The following TRIM24 variants were observed in gnomAD, a reference collection of about 807,000 sequenced individuals.
TRIM24 encodes the protein transcription intermediary factor 1-alpha.
In TRIM24, 29 loss-of-function variants were observed where a neutral mutation model predicts 123.9. The ratio of observed to expected loss-of-function variants is 0.23; its 90% CI spans 0.17 to 0.32. The LOEUF is 0.32. TRIM24 is among the 10% of genes least tolerant of loss of function. The pLI, the probability that TRIM24 is intolerant of heterozygous loss-of-function variation, is 1.00. For missense variants in TRIM24, 932 were observed against 1,295.3 expected (o/e 0.72, Z 4.31); for synonymous variants, 456 against 461.1 (o/e 0.99, Z 0.14).
intron 1 of TRIM24, among the ~76,000 whole-genome samples, chr7:138,496,733 T>C (rs140637757): frequency 4.7e-4 from 72 of 152,238 alleles, no homozygotes; most frequent in African/African-American, 1.7e-3. Flanking sequence ...ACTCCAGGCC[T>C]GTAGTGATCC....
intron 2 of TRIM24, among the ~76,000 whole-genome samples, chr7:138,512,177 AC>A (rs1239348412): frequency 6.6e-6 from 1 of 152,006 alleles, no homozygotes; most frequent in Non-Finnish European, 1.5e-5. Flanking sequence ...AGCTGTACCT[AC>A]CCCTGTGGCT....
At chr7:138,505,007 C>T (rs1223685499) in intron 2 of TRIM24, among the ~76,000 whole-genome samples, 1 of 152,002 alleles carries the variant, frequency 6.6e-6, no homozygotes, top group African/African-American at 2.4e-5. Flanking sequence ...GTAATCCACC[C>T]GCCTCGGCCT....
intron 1 of TRIM24, among the ~76,000 whole-genome samples, chr7:138,483,057 AC>A (rs1795564183): frequency 6.6e-6 from 1 of 151,994 alleles, no homozygotes; most frequent in Admixed American, 6.6e-5. Flanking sequence ...AGCTGGGACT[AC>A]AGGCATGTAC....
chr7:138,500,385 C>T (rs1045750296), intron 1 of TRIM24, among the ~76,000 whole-genome samples: 1 of 151,626 alleles, frequency 6.6e-6, no homozygotes, highest in African/African-American at 2.4e-5. Context: ...CATAGTGAAA[C>T]CCTGTCTCTA....
At chr7:138,526,452 G>GTT (rs375560396) in intron 5 of TRIM24, among the ~76,000 whole-genome samples, 7 of 149,448 alleles carry the variant, frequency 4.7e-5, no homozygotes, top group Admixed American at 4.6e-4. Flanking sequence ...TTTGTTTTTT[G>GTT]TTTTTTTTTG....
intron 6 of TRIM24, among the ~76,000 whole-genome samples, chr7:138,534,085 G>A (rs189036292): frequency 1.6e-4 from 24 of 151,760 alleles, no homozygotes; most frequent in African/African-American, 3.6e-4. Context: ...TTTTTATTGC[G>A]TCTGTTTGAT....
At chr7:138,576,157 A>T (rs1797753692) in intron 12 of TRIM24, among the ~76,000 whole-genome samples, 2 of 152,198 alleles carry the variant, frequency 1.3e-5, no homozygotes, top group South Asian at 4.1e-4. Context: ...CACAACAAGG[A>T]ATTATCTGGC....
chr7:138,535,898 G>A (rs1021866378), intron 6 of TRIM24, among the ~76,000 whole-genome samples: 1 of 151,958 alleles, frequency 6.6e-6, no homozygotes, highest in African/African-American at 2.4e-5. Flanking sequence ...CATATTTCTT[G>A]GTGGCTTTGT....
rs550118974 is a variant in TRIM24, at chr7:138,533,579, T to C, written c.996+4349T>C. 4.7e-4 allele frequency among the ~76,000 whole-genome samples: 72 copies of C among 152,324 alleles called. 1 individual carries two copies. In the South Asian group the frequency reaches 0.013, roughly 27 times the overall value. Reference sequence around the variant, plus strand: ...AGGGATGAAGCCCACTTGATCATGGTGAATAAGCTTTTTGATGTGCTGCTG... The same window carrying C: ...AGGGATGAAGCCCACTTGATCATGGCGAATAAGCTTTTTGATGTGCTGCTG... On this transcript the variant is annotated intron_variant, in intron 6 of 18. Transcript: ENST00000343526.
chr7:138,583,961 T>C lies in TRIM24; in HGVS notation c.2905T>C (p.Phe969Leu), dbSNP rs1797959792. Residue 969 changes from phenylalanine (F) to leucine (L), a missense_variant, in exon 18 of 19, where the codon TTT becomes CTT. This residue lies in a region of TRIM24 where 104 missense variants were observed against 121.5 expected (regional missense o/e 0.86). Coordinates refer to ENST00000343526, the MANE Select transcript of TRIM24 (RefSeq NM_015905.3). ...AAAACCTGAAGATTTTGTAGCTGAT[T>C]TTAGATTGATCTTTCAAAACTGTGC... The part of the protein sequence containing the change: ...YSKPEDFVAD[F>L]RLIFQNCAEF... 1 of 1,609,634 alleles carries C rather than the reference T, an allele frequency of 6.2e-7. No homozygotes were observed. Among genetic ancestry groups the C allele is most frequent in the Non-Finnish European group, 8.5e-7 (1 of 1,178,912 alleles).
At chr7:138,524,604 A>G (rs1470766833) in intron 4 of TRIM24, among the ~76,000 whole-genome samples, 2 of 152,170 alleles carry the variant, frequency 1.3e-5, no homozygotes, top group Admixed American at 1.3e-4. Flanking sequence ...AAACTTAAAT[A>G]AAATTCTTGT....
At chr7:138,573,787 CAA>C (rs1267087403) in intron 12 of TRIM24, 145 bp downstream of exon 12, 1 of 999,298 alleles carries the variant, frequency 1.0e-6, no homozygotes, top group Non-Finnish European at 1.4e-6. Flanking sequence ...TCAGAGAAAA[CAA>C]AGGTTAAATT....
rs17169606 is a variant in TRIM24 at position 138,505,713 on chromosome 7, T to A, written c.483+1305T>A. Among the ~76,000 whole-genome samples, 838 of 152,302 alleles carry A rather than the reference T, an allele frequency of 5.5e-3. 10 individuals are homozygous for A. Among genetic ancestry groups the A allele is most frequent in the African/African-American group, 0.019 (797 of 41,560 alleles). ...CACCATGCCCAACTAACTAAAGGCT[T>A]ACTTGGCAGCATTGTCCAAGGTGTT... is the stretch of plus-strand genomic sequence containing the variant. On this transcript the variant is annotated intron_variant, in intron 2 of 18. Coordinates refer to ENST00000343526, the MANE Select transcript of TRIM24 (RefSeq NM_015905.3).
chr7:138,526,367 A>G (rs1346136902), intron 5 of TRIM24, among the ~76,000 whole-genome samples: 1 of 152,058 alleles, frequency 6.6e-6, no homozygotes, highest in Non-Finnish European at 1.5e-5. Context: ...TCTGTTTATT[A>G]TTATGCATTA....
intron 6 of TRIM24, among the ~76,000 whole-genome samples, chr7:138,537,763 A>G (rs572592182): frequency 2.2e-4 from 33 of 152,268 alleles, no homozygotes; most frequent in South Asian, 6.2e-4. Context: ...CCTTAATTCA[A>G]TGTAGCTCAA....
intron 1 of TRIM24, among the ~76,000 whole-genome samples, chr7:138,502,255 C>A (rs1360690076): frequency 6.6e-6 from 1 of 152,206 alleles, no homozygotes; most frequent in Non-Finnish European, 1.5e-5. Flanking sequence ...TACCAGGTAC[C>A]AGCCTAGGCT....
At chr7:138,536,115 A>G (rs1796867366) in intron 6 of TRIM24, among the ~76,000 whole-genome samples, 1 of 152,032 alleles carries the variant, frequency 6.6e-6, no homozygotes, top group South Asian at 2.1e-4. Context: ...TTAGCCATTC[A>G]TCTAATCTTT....
At chr7:138,536,673 TGAG>T (rs1486692747) in intron 6 of TRIM24, among the ~76,000 whole-genome samples, 6 of 152,206 alleles carry the variant, frequency 3.9e-5, no homozygotes, top group Non-Finnish European at 8.8e-5. Context: ...GGGACCCACT[TGAG>T]GAGGTAGTCT....
At chr7:138,541,915 T>C (rs1182007941) in intron 7 of TRIM24, among the ~76,000 whole-genome samples, 4 of 152,242 alleles carry the variant, frequency 2.6e-5, no homozygotes, top group Non-Finnish European at 5.9e-5. Context: ...TTTCTTTCCA[T>C]AAATCTCATG....
Sources: allele counts gnomAD v4.1 joint callset (sites outside exome capture counted in the v4.1 genomes callset), GRCh38; gene constraint gnomAD v4.1.1; regional missense constraint gnomAD v4.1.1; transcripts MANE v1.5; gene names NCBI Gene and HGNC (gene_info 2026-07-23, HGNC 2026-07-21).